The following EPHB1 variants were observed in gnomAD, a reference collection of about 807,000 sequenced individuals.
EPHB1 encodes the protein ephrin type-B receptor 1.
In EPHB1, 30 loss-of-function variants were observed where a neutral mutation model predicts 94.4. The observed-to-expected ratio is 0.32, with a 90% CI of 0.24 to 0.43. The LOEUF is 0.43. Among genes scored for constraint, EPHB1 ranks in the 20% least tolerant of loss-of-function variants. EPHB1 has a pLI of 1.00. For missense variants in EPHB1, 1,055 were observed against 1,308.3 expected (o/e 0.81, Z 2.99); for synonymous variants, 522 against 489.1 (o/e 1.07, Z -0.89).
intron 3 of EPHB1, among the ~76,000 whole-genome samples, chr3:135,051,549 A>T (rs1937167699): frequency 6.6e-6 from 1 of 152,216 alleles, no homozygotes; most frequent in Admixed American, 6.5e-5. Flanking sequence ...TAGCTTCAAG[A>T]TTGATTAGTA....
intron 1 of EPHB1, among the ~76,000 whole-genome samples, chr3:134,921,322 CT>C (rs1560297676): frequency 6.6e-6 from 1 of 152,196 alleles, no homozygotes; most frequent in Non-Finnish European, 1.5e-5. Context: ...CTGCCCACCC[CT>C]TTCCAGGAAA....
intron 12 of EPHB1, among the ~76,000 whole-genome samples, chr3:135,202,597 GTCTA>G (rs1462732731): frequency 2.0e-5 from 3 of 152,156 alleles, no homozygotes; most frequent in East Asian, 1.9e-4. Context: ...CTACTAACCT[GTCTA>G]TCTGTCTATC....
At chr3:135,258,809 G>A (rs1215380038) in intron 15 of EPHB1, among the ~76,000 whole-genome samples, 1 of 152,208 alleles carries the variant, frequency 6.6e-6, no homozygotes, top group Non-Finnish European at 1.5e-5. Context: ...GATTGCCTAA[G>A]CTGGAGGAAG....
At chr3:134,811,203 A>C (rs1281590652) in intron 1 of EPHB1, among the ~76,000 whole-genome samples, 1 of 140,084 alleles carries the variant, frequency 7.1e-6, no homozygotes, top group Non-Finnish European at 1.5e-5. Context: ...GCATTTCTCA[A>C]CCTTATTCCT....
At position 135,162,101 on chromosome 3, in the gene EPHB1, T is replaced by C. The variant is rs1941524994; in HGVS notation, c.1506T>C (p.Tyr502=). Residue 502 remains tyrosine (Y), a synonymous_variant, in exon 7 of 16, where the codon TAT becomes TAC. Transcript: ENST00000398015. ...RIDGLRPGMV[Y]VVQVRARTVA... is the part of the protein sequence containing the mutation. ...ATGGGCTGCGGCCTGGCATGGTATA[T>C]GTGGTACAGGTGCGTGCCCGCACTG... 7 of 1,613,416 alleles carry C rather than the reference T, an allele frequency of 4.3e-6. No homozygotes were observed. The highest frequency in any genetic ancestry group is 5.9e-6 in the Non-Finnish European group (7 of 1,179,594).
At chr3:134,807,539 G>A (rs1259287978) in intron 1 of EPHB1, among the ~76,000 whole-genome samples, 106 of 4,786 alleles carry the variant, frequency 0.022, no homozygotes, top group African/African-American at 0.042. Flanking sequence ...GTGTGTGTGT[G>A]TGAGAGAGAG....
At position 135,192,637 on chromosome 3, in the gene EPHB1, G is replaced by A. The variant is rs758162506; in HGVS notation, c.1944G>A (p.Val648=). The A allele has an allele frequency of 1.9e-6, 3 of 1,614,080 alleles. No individual in the cohort carries two copies. The South Asian group carries it at 3.3e-5, about 18-fold the overall frequency. ...LKLPGKREIY[V]AIKTLKAGYS... is the part of the protein sequence containing the mutation. ...TGCCAGGCAAGAGGGAAATCTACGT[G>A]GCCATCAAGACCCTGAAGGCAGGGT... is the stretch of plus-strand genomic sequence containing the variant. Residue 648 remains valine, a synonymous_variant, in exon 11 of 16, where the codon GTG becomes GTA. Coordinates refer to ENST00000398015, the MANE Select transcript of EPHB1 (RefSeq NM_004441.5).
chr3:135,222,966 C>A (rs1040392100), intron 12 of EPHB1, among the ~76,000 whole-genome samples: 9 of 152,118 alleles, frequency 5.9e-5, no homozygotes, highest in African/African-American at 1.9e-4. Flanking sequence ...TGTGCAATTT[C>A]GCAGAGTATG....
chr3:135,061,372 C>CCT (rs1553727879), intron 3 of EPHB1, among the ~76,000 whole-genome samples: 11 of 130,042 alleles, frequency 8.5e-5, no homozygotes, highest in South Asian at 2.9e-4. Context: ...ATGACCACCC[C>CCT]CCCCGACCCA....
chr3:135,007,265 T>A (rs1935453051), intron 3 of EPHB1, among the ~76,000 whole-genome samples: 1 of 152,192 alleles, frequency 6.6e-6, no homozygotes. Flanking sequence ...AGAGCCTGGG[T>A]ACACAGCTAA....
At chr3:134,892,193 A>C (rs1165315540) in intron 1 of EPHB1, among the ~76,000 whole-genome samples, 1 of 152,220 alleles carries the variant, frequency 6.6e-6, no homozygotes, top group East Asian at 1.9e-4. Context: ...CTGCTTCCTC[A>C]ACATGGCCTT....
intron 6 of EPHB1, among the ~76,000 whole-genome samples, chr3:135,158,716 A>G (rs952716039): frequency 1.3e-5 from 2 of 151,924 alleles, no homozygotes; most frequent in African/African-American, 2.4e-5. Context: ...ATTTTAATAC[A>G]CTTCCATTCA....
intron 3 of EPHB1, among the ~76,000 whole-genome samples, chr3:135,098,122 C>T (rs1047621385): frequency 6.6e-6 from 1 of 152,228 alleles, no homozygotes; most frequent in African/African-American, 2.4e-5. Flanking sequence ...GTAAACACTT[C>T]ACCCTGACCT....
chr3:134,914,554 G>T (rs2038524872), intron 1 of EPHB1, among the ~76,000 whole-genome samples: 1 of 152,126 alleles, frequency 6.6e-6, no homozygotes, highest in Admixed American at 6.5e-5. Context: ...TCCTTGTGTG[G>T]GGGACTACAG....
chr3:135,043,586 C>T lies in EPHB1; in HGVS notation c.806-62862C>T, dbSNP rs1936914795. 1.3e-5 allele frequency among the ~76,000 whole-genome samples: 2 copies of T among 152,204 alleles called. 1 individual carries two copies. Among genetic ancestry groups the T allele is most frequent in the South Asian group, 4.1e-4 (2 of 4,822 alleles). On this transcript the variant is annotated intron_variant, in intron 3 of 15. Transcript: ENST00000398015. ...ACTATCAAGGAGCAGGCCTCACTGA[C>T]CTCCCTGTCAGGTAATCACCTGTCT... is the stretch of plus-strand genomic sequence containing the variant.
intron 12 of EPHB1, among the ~76,000 whole-genome samples, chr3:135,224,003 C>T (rs1044513998): frequency 7.2e-5 from 11 of 152,150 alleles, no homozygotes; most frequent in Non-Finnish European, 4.4e-5. Flanking sequence ...TACAATGCTG[C>T]TCCCATATTA....
chr3:135,039,049 A>G (rs1559805161), intron 3 of EPHB1, among the ~76,000 whole-genome samples: 1 of 152,164 alleles, frequency 6.6e-6, no homozygotes, highest in African/African-American at 2.4e-5. Context: ...CAGGTTCTCC[A>G]AGGCCCCACC....
chr3:135,235,143 T>C (rs1244913111), intron 12 of EPHB1, among the ~76,000 whole-genome samples: 1 of 152,214 alleles, frequency 6.6e-6, no homozygotes, highest in East Asian at 1.9e-4. Context: ...TGCCCGAGCA[T>C]TGATGATTTG....
At chr3:135,142,619 G>A (rs1372222032) in intron 5 of EPHB1, among the ~76,000 whole-genome samples, 1 of 152,214 alleles carries the variant, frequency 6.6e-6, no homozygotes. Context: ...GCTCATCTGA[G>A]GTTGTGGTGA....
Sources: allele counts gnomAD v4.1 joint callset (sites outside exome capture counted in the v4.1 genomes callset), GRCh38; gene constraint gnomAD v4.1.1; transcripts MANE v1.5; gene names NCBI Gene and HGNC (gene_info 2026-07-23, HGNC 2026-07-21).